MAN1A2: variants seen among roughly 807,000 people sequenced by gnomAD.
The protein encoded by MAN1A2 is mannosyl-oligosaccharide 1,2-alpha-mannosidase IB.
MAN1A2 carries 26 observed loss-of-function variants against 75.7 expected under a neutral mutation model. The ratio of observed to expected loss-of-function variants is 0.34; its 90% CI spans 0.25 to 0.48. The LOEUF (loss-of-function observed/expected upper bound fraction) is 0.48. Ranked by LOEUF, MAN1A2 falls within the 20% of genes least tolerant of loss-of-function variation. The probability of loss-of-function intolerance (pLI) is 0.99; values close to 1 mark genes in which losing one functional copy is unlikely to be tolerated. For synonymous variants in MAN1A2, 247 were observed against 264.6 expected (o/e 0.93, Z 0.65); for missense variants, 562 against 775.5 (o/e 0.72, Z 3.27).
intron 10 of MAN1A2, among the ~76,000 whole-genome samples, chr1:117,498,365 A>G (rs937864658): frequency 7.9e-5 from 12 of 151,876 alleles, no homozygotes; most frequent in Non-Finnish European, 1.5e-5. Context: ...ATTGAATTTC[A>G]TATAGCATAC....
intron 4 of MAN1A2, among the ~76,000 whole-genome samples, chr1:117,419,972 A>T (rs1648134598): frequency 6.6e-6 from 1 of 151,994 alleles, no homozygotes; most frequent in Non-Finnish European, 1.5e-5. Flanking sequence ...AAATTTTTTT[A>T]AACATTTATT....
chr1:117,513,620 A>C (rs148347205), intron 12 of MAN1A2, among the ~76,000 whole-genome samples: 3 of 151,720 alleles, frequency 2.0e-5, no homozygotes, highest in Non-Finnish European at 4.4e-5. Context: ...AATTTCATCT[A>C]ATTTACTATT....
chr1:117,378,077 G>C (rs993558408), intron 1 of MAN1A2, among the ~76,000 whole-genome samples: 4 of 152,104 alleles, frequency 2.6e-5, no homozygotes, highest in African/African-American at 9.7e-5. Context: ...ACTCCAGCCT[G>C]GGCGACGGAG....
Position 117,524,936 on chromosome 1 carries a change from T to C in MAN1A2, c.*1979T>C. On this transcript the variant is annotated 3_prime_UTR_variant, in exon 13 of 13. Transcript: ENST00000356554. ...AAAATGTTAGCCTTCCTCGTAAAAG[T>C]AGCACAAGCCCACTTATGAATCACT... The C allele has an allele frequency of 3.1e-6, 1 of 327,130 alleles. No individual in the cohort carries two copies. The highest frequency in any genetic ancestry group is 6.2e-6 in the Non-Finnish European group (1 of 161,252). 20.3% of individuals were successfully genotyped at this position (327,130 alleles called of 1,614,324 possible). A position where few individuals can be genotyped will look rare whatever the true frequency, so the allele number is the denominator to read the frequency against.
chr1:117,438,331 A>G (rs1293240453), intron 5 of MAN1A2, among the ~76,000 whole-genome samples: 1 of 151,658 alleles, frequency 6.6e-6, no homozygotes, highest in Non-Finnish European at 1.5e-5. Flanking sequence ...ATCTTTTTGT[A>G]CAGCTGTAAA....
rs369920413 is a variant in MAN1A2 at position 117,402,329 on chromosome 1, A to C, written c.446A>C (p.Lys149Thr). The change falls in exon 2 of 13, where the codon AAG becomes ACG. Residue 149 changes from lysine to threonine, a missense_variant. Lys to Thr is a moderately conservative substitution (Grantham distance 78). Transcript: ENST00000356554. Reference protein sequence around the residue: ...TEKNKVVQEMKIKENKPLPPV... With the variant: ...TEKNKVVQEMTIKENKPLPPV... ...AAAAATAAGGTAGTCCAAGAAATGA[A>C]GATAAAAGAGAACAAGCCACTGCCA... 2 of 1,613,762 alleles carry C rather than the reference A, an allele frequency of 1.2e-6. No individual in the cohort carries two copies. The highest frequency in any genetic ancestry group is 2.7e-5 in the African/African-American group (2 of 74,904).
rs765528737 is a variant in MAN1A2 at position 117,523,290 on chromosome 1, A to AAG, written c.*335_*336dup. ...AGGCTAGACTTCCTGAAAGCAAGTC[A>AAG]AGAATATAGAGCACCTTGCAGGAGT... On this transcript the variant is annotated 3_prime_UTR_variant, in exon 13 of 13. Transcript: ENST00000356554. The AAG allele has an allele frequency of 6.0e-6, 3 of 498,388 alleles. No homozygotes were observed. The highest frequency in any genetic ancestry group is 1.2e-5 in the Non-Finnish European group (3 of 245,726). 30.9% of individuals were successfully genotyped at this position (498,388 alleles called of 1,614,324 possible).
chr1:117,490,255 G>A (rs1051330470), intron 8 of MAN1A2, among the ~76,000 whole-genome samples: 3 of 151,962 alleles, frequency 2.0e-5, no homozygotes, highest in Non-Finnish European at 2.9e-5. Context: ...GAGCAAATCC[G>A]TCAGCATCAT....
At chr1:117,368,700 C>T (rs1490708734) in intron 1 of MAN1A2, among the ~76,000 whole-genome samples, 1 of 152,048 alleles carries the variant, frequency 6.6e-6, no homozygotes, top group Non-Finnish European at 1.5e-5. Flanking sequence ...GACTGGAGTC[C>T]TACCTAAGTC....
chr1:117,481,136 A>G (rs1297400816), intron 8 of MAN1A2, among the ~76,000 whole-genome samples: 1 of 151,772 alleles, frequency 6.6e-6, no homozygotes, highest in East Asian at 1.9e-4. Context: ...TCTGGATCCT[A>G]TCTTCTCTCA....
intron 1 of MAN1A2, among the ~76,000 whole-genome samples, chr1:117,373,720 C>G (rs1653047892): frequency 6.6e-6 from 1 of 152,050 alleles, no homozygotes. Context: ...TCTCAAACTC[C>G]TGTGTTCAAG....
intron 7 of MAN1A2, among the ~76,000 whole-genome samples, chr1:117,464,677 A>G (rs1466276873): frequency 6.6e-6 from 1 of 152,146 alleles, no homozygotes; most frequent in East Asian, 1.9e-4. Context: ...AGAAGCTGGA[A>G]AAACAGAATC....
intron 6 of MAN1A2, among the ~76,000 whole-genome samples, chr1:117,446,544 C>A (rs1649241930): frequency 6.6e-6 from 1 of 152,018 alleles, no homozygotes; most frequent in South Asian, 2.1e-4. Flanking sequence ...TTCTTCAATG[C>A]ATTAGTTTTT....
intron 1 of MAN1A2, among the ~76,000 whole-genome samples, chr1:117,370,700 T>G (rs1265334324): frequency 6.6e-6 from 1 of 151,670 alleles, no homozygotes; most frequent in Non-Finnish European, 1.5e-5. Flanking sequence ...AGAACTTACC[T>G]AATTTAGAAG....
At chr1:117,394,825 G>C (rs979981648) in intron 1 of MAN1A2, among the ~76,000 whole-genome samples, 3 of 152,114 alleles carry the variant, frequency 2.0e-5, no homozygotes, top group Non-Finnish European at 4.4e-5. Flanking sequence ...GTGAAGGAAG[G>C]AGAACACCAA....
intron 1 of MAN1A2, among the ~76,000 whole-genome samples, chr1:117,388,320 A>G (rs17037231): frequency 0.12 from 18,830 of 152,042 alleles, 1,224 homozygotes; most frequent in Non-Finnish European, 0.14. Flanking sequence ...GGTTCTTACT[A>G]CCTTAGATAT....
At chr1:117,429,683 A>G (rs1648527746) in intron 5 of MAN1A2, among the ~76,000 whole-genome samples, 3 of 88,346 alleles carry the variant, frequency 3.4e-5, no homozygotes, top group African/African-American at 9.1e-5. Context: ...CACCTCCTGG[A>G]CGGGGTGGCT....
At chr1:117,469,526 C>A (rs1650082092) in intron 8 of MAN1A2, among the ~76,000 whole-genome samples, 1 of 151,172 alleles carries the variant, frequency 6.6e-6, no homozygotes, top group Non-Finnish European at 1.5e-5. Context: ...AGAAAGACGA[C>A]CCACAGAATG....
At chr1:117,400,790 C>T (rs1647397670) in intron 1 of MAN1A2, among the ~76,000 whole-genome samples, 2 of 151,944 alleles carry the variant, frequency 1.3e-5, no homozygotes, top group African/African-American at 4.8e-5. Context: ...CAGTTTTTGC[C>T]TATTATGGGC....
Sources: allele counts gnomAD v4.1 joint callset (sites outside exome capture counted in the v4.1 genomes callset), GRCh38; gene constraint gnomAD v4.1.1; transcripts MANE v1.5; gene names NCBI Gene and HGNC (gene_info 2026-07-23, HGNC 2026-07-21).